Variants in BAZ2A observed in about 807,000 individuals in gnomAD.
BAZ2A encodes bromodomain adjacent to zinc finger domain 2A.
Under a neutral mutation model 199.9 loss-of-function variants are expected in BAZ2A, and 34 were observed. That is an observed-to-expected ratio of 0.17 (90% confidence interval 0.13 to 0.23). BAZ2A has a LOEUF of 0.23. Among genes scored for constraint, BAZ2A ranks in the 10% least tolerant of loss-of-function variants. The probability of loss-of-function intolerance (pLI) is 1.00; values close to 1 mark genes in which losing one functional copy is unlikely to be tolerated. For missense variants in BAZ2A, 2,002 were observed against 2,391.1 expected (o/e 0.84, Z 3.39); for synonymous variants, 857 against 883.9 (o/e 0.97, Z 0.54).
chr12:56,604,123 G>T, intron 16 of BAZ2A, 94 bp downstream of exon 16: 1 of 1,241,784 alleles, frequency 8.1e-7, no homozygotes, highest in South Asian at 1.3e-5. Context: ...CAGGGAAGGG[G>T]CTAAAGCATC....
At chr12:56,618,773 G>T (rs533239401) in intron 1 of BAZ2A, among the ~76,000 whole-genome samples, 1 of 151,978 alleles carries the variant, frequency 6.6e-6, no homozygotes, top group Non-Finnish European at 1.5e-5. Flanking sequence ...AGGAGGCTAA[G>T]GAAGGAGAAT....
intron 11 of BAZ2A, 137 bp downstream of exon 11, chr12:56,606,496 A>C (rs1950359990): frequency 2.5e-6 from 3 of 1,198,982 alleles, no homozygotes; most frequent in Non-Finnish European, 3.7e-6. Context: ...CAATTCTCTA[A>C]ATCAAGTGCA....
intron 1 of BAZ2A, among the ~76,000 whole-genome samples, chr12:56,625,257 G>T (rs1181993647): frequency 6.7e-6 from 1 of 149,070 alleles, no homozygotes; most frequent in African/African-American, 2.5e-5. Flanking sequence ...CCCGGTTCAA[G>T]CAATTCTCCT....
upstream of BAZ2A, among the ~76,000 whole-genome samples, chr12:56,633,725 A>C (rs1327272109): frequency 2.7e-5 from 4 of 146,780 alleles, no homozygotes; most frequent in Admixed American, 2.0e-4. Context: ...TTCTTCCCCC[A>C]CTTTTGTTTG....
In BAZ2A at chr12:56,615,074, C is replaced by T; in HGVS notation, c.670G>A (p.Val224Ile). The T allele has an allele frequency of 6.2e-7, 1 of 1,613,900 alleles. No homozygotes were observed. Among genetic ancestry groups the T allele is most frequent in the Non-Finnish European group, 8.5e-7 (1 of 1,179,880 alleles). ...AAGCCAGTGCCATTCTCTGCCACAA[C>T]TGAAGTCATCTCCTTTTCTGCTGCC... The part of the protein sequence containing the change: ...DEAAEKEMTS[V>I]VAENGTGLVG... The change falls in exon 3 of 29, where the codon GTT (valine) becomes ATT (isoleucine). Residue 224 changes from valine (V) to isoleucine (I), a missense_variant. Val to Ile is a conservative substitution (Grantham distance 29). Transcript: ENST00000549884.
intron 24 of BAZ2A, 47 bp downstream of exon 24, chr12:56,600,154 T>A: frequency 6.2e-7 from 1 of 1,612,122 alleles, no homozygotes; most frequent in Non-Finnish European, 8.5e-7. Flanking sequence ...AGAGGGAACT[T>A]ATCCCTTTCT....
chr12:56,607,706 T>C (rs758522811), intron 10 of BAZ2A, among the ~76,000 whole-genome samples: 8 of 152,182 alleles, frequency 5.3e-5, no homozygotes, highest in Non-Finnish European at 7.3e-5. Context: ...GTTTCTGGTA[T>C]AGAAACGCCA....
At chr12:56,617,052 C>A (rs1592601892) in intron 2 of BAZ2A, among the ~76,000 whole-genome samples, 1 of 152,288 alleles carries the variant, frequency 6.6e-6, no homozygotes, top group East Asian at 1.9e-4. Flanking sequence ...AACTCTCAGT[C>A]CTGGCCCAGT....
Position 56,615,202 on chromosome 12 carries a change from G to C in BAZ2A, c.542C>G (p.Pro181Arg). ...CTGTGGGGAGGTGAAAAAACTAGGG[G>C]GTCCATTGGGCATCACCTCAAAATT... ...DQNFEVMPNGPPSFFTSPQTS... is the reference protein window; with the variant it reads ...DQNFEVMPNGRPSFFTSPQTS... Residue 181 changes from proline (P) to arginine (R), a missense_variant, in exon 3 of 29, where the codon CCC becomes CGC. Pro to Arg is a moderately radical substitution (Grantham distance 103). Coordinates refer to ENST00000549884, the MANE Select transcript of BAZ2A (RefSeq NM_001300905.2). 6.2e-7 allele frequency: 1 copy of C among 1,613,662 alleles called. No individual in the cohort carries two copies.
chr12:56,621,583 CA>C (rs1473681846), intron 1 of BAZ2A, among the ~76,000 whole-genome samples: 2 of 152,040 alleles, frequency 1.3e-5, no homozygotes, highest in East Asian at 3.9e-4. Context: ...TCATCTGTAA[CA>C]ATTTTTGTAC....
At position 56,598,577 on chromosome 12, in the gene BAZ2A, TG is replaced by T. The variant is rs752709754; in HGVS notation, c.*40del. 2.5e-6 allele frequency: 4 copies of T among 1,594,734 alleles called. No homozygotes were observed. The highest frequency in any genetic ancestry group is 1.1e-5 in the South Asian group (1 of 88,868). On this transcript the variant is annotated 3_prime_UTR_variant, in exon 29 of 29. Coordinates refer to ENST00000549884, the MANE Select transcript of BAZ2A (RefSeq NM_001300905.2). ...AAATGGCAGGTTTTTGTTTGGAAGG[TG>T]GGGGGAGATGCCACAAGGTGACTCC...
intron 16 of BAZ2A, 67 bp downstream of exon 16, chr12:56,604,150 C>A (rs555008106): frequency 6.8e-7 from 1 of 1,465,016 alleles, no homozygotes; most frequent in Admixed American, 2.0e-5. Context: ...CAAGCCAAAA[C>A]CCTGGCTATG....
chr12:56,636,364 C>G, exon 1 of BAZ2A: 1 of 1,412,728 alleles, frequency 7.1e-7, no homozygotes, highest in Non-Finnish European at 9.3e-7. Context: ...AGGGTGATGT[C>G]CCTGTGTGAC....
At chr12:56,605,809 C>G in intron 13 of BAZ2A, 21 bp downstream of exon 13, 1 of 1,592,414 alleles carries the variant, frequency 6.3e-7, no homozygotes, top group African/African-American at 1.3e-5. Flanking sequence ...GACCCAGGAA[C>G]TGTTACTCTC....
chr12:56,607,772 T>G (rs1950412312), intron 10 of BAZ2A, among the ~76,000 whole-genome samples: 1 of 152,132 alleles, frequency 6.6e-6, no homozygotes. Context: ...ATGAACTACC[T>G]AAGGCTTTGA....
chr12:56,628,896 G>C (rs990519892), intron 1 of BAZ2A, among the ~76,000 whole-genome samples: 1 of 152,136 alleles, frequency 6.6e-6, no homozygotes, highest in African/African-American at 2.4e-5. Flanking sequence ...AGATAACTGA[G>C]TTTGCTTCTC....
chr12:56,606,498 T>A, intron 11 of BAZ2A, 135 bp downstream of exon 11: 1 of 1,205,816 alleles, frequency 8.3e-7, no homozygotes, highest in Non-Finnish European at 1.2e-6. Context: ...ATTCTCTAAA[T>A]CAAGTGCAAG....
upstream of BAZ2A, among the ~76,000 whole-genome samples, chr12:56,634,454 G>A (rs547051615): frequency 2.0e-5 from 3 of 152,308 alleles, no homozygotes; most frequent in African/African-American, 7.2e-5. Flanking sequence ...GTGGGGTGAG[G>A]ACTACAGAAA....
At chr12:56,626,941 AC>A (rs987469037) in intron 1 of BAZ2A, among the ~76,000 whole-genome samples, 128 of 152,320 alleles carry the variant, frequency 8.4e-4, no homozygotes, top group African/African-American at 2.8e-3. Flanking sequence ...CATCAGATGG[AC>A]TTGTTTTTAC....
Sources: allele counts gnomAD v4.1 joint callset (sites outside exome capture counted in the v4.1 genomes callset), GRCh38; gene constraint gnomAD v4.1.1; transcripts MANE v1.5; gene names NCBI Gene and HGNC (gene_info 2026-07-23, HGNC 2026-07-21).